The following DGKI variants were observed in gnomAD, a reference collection of about 807,000 sequenced individuals.
DGKI encodes the protein diacylglycerol kinase iota.
Under a neutral mutation model 147.5 loss-of-function variants are expected in DGKI, and 55 were observed. The ratio of observed to expected loss-of-function variants is 0.37; its 90% CI spans 0.30 to 0.47. The LOEUF (loss-of-function observed/expected upper bound fraction) is 0.47, where lower values mean the gene tolerates loss of function less well. DGKI is among the 20% of genes least tolerant of loss of function. DGKI has a pLI of 1.00. For missense variants in DGKI, 1,007 were observed against 1,323.8 expected (o/e 0.76, Z 3.71); for synonymous variants, 469 against 477.1 (o/e 0.98, Z 0.22).
At chr7:137,457,707 G>A (rs999429259) in intron 27 of DGKI, among the ~76,000 whole-genome samples, 1 of 152,044 alleles carries the variant, frequency 6.6e-6, no homozygotes, top group Non-Finnish European at 1.5e-5. Flanking sequence ...AGCACACATA[G>A]CATATGGAGA....
Position 137,383,781 on chromosome 7 carries a change from C to T in DGKI, c.*7439G>A, listed in dbSNP as rs1193591495. 1 of 151,972 alleles carries T rather than the reference C, an allele frequency of 6.6e-6. No individual in the cohort carries two copies. The highest frequency in any genetic ancestry group is 1.5e-5 in the Non-Finnish European group (1 of 67,918). The allele number at this position is 151,972 out of a possible 1,614,324, so 9.4% of individuals were successfully genotyped here. The stretch of plus-strand genomic sequence containing the variant: ...TATTTTATTCTACAAATCATCTTCC[C>T]TGCAGAATTTGAAACTAACAGTCCT... On this transcript the variant is annotated 3_prime_UTR_variant, in exon 33 of 33. Transcript: ENST00000614521.
intron 30 of DGKI, among the ~76,000 whole-genome samples, chr7:137,400,504 A>G (rs980796): frequency 0.68 from 103,646 of 152,070 alleles, 35,507 homozygotes; most frequent in African/African-American, 0.77. Flanking sequence ...CTTTTAATTG[A>G]GCTAGCACAG....
intron 30 of DGKI, among the ~76,000 whole-genome samples, chr7:137,400,164 C>A (rs117039580): frequency 6.6e-6 from 1 of 152,144 alleles, no homozygotes; most frequent in Non-Finnish European, 1.5e-5. Flanking sequence ...GAAACAAGCA[C>A]CTGAGGCCTA....
At chr7:137,593,140 G>A in intron 12 of DGKI, among the ~76,000 whole-genome samples, 1 of 152,176 alleles carries the variant, frequency 6.6e-6, no homozygotes, top group Non-Finnish European at 1.5e-5. Flanking sequence ...GATGGCTGGA[G>A]TCAATTTAAT....
At chr7:137,794,388 G>A (rs1273469736) in intron 1 of DGKI, among the ~76,000 whole-genome samples, 1 of 152,196 alleles carries the variant, frequency 6.6e-6, no homozygotes. Flanking sequence ...GACTTTAGGA[G>A]CAGATACTTC....
intron 12 of DGKI, among the ~76,000 whole-genome samples, chr7:137,587,825 A>G (rs891013743): frequency 1.4e-4 from 21 of 152,198 alleles, no homozygotes; most frequent in African/African-American, 5.1e-4. Flanking sequence ...AACATTATGA[A>G]AACATAATTA....
At chr7:137,429,244 C>T (rs1812958080) in intron 28 of DGKI, among the ~76,000 whole-genome samples, 1 of 151,024 alleles carries the variant, frequency 6.6e-6, no homozygotes, top group South Asian at 2.1e-4. Flanking sequence ...TCAGAAATAA[C>T]ACCACATATC....
In DGKI at chr7:137,493,151, C is replaced by T. The variant is rs536302153; in HGVS notation, c.2249-5462G>A. Among the ~76,000 whole-genome samples, 5 of 152,258 alleles carry T rather than the reference C, an allele frequency of 3.3e-5. No homozygotes were observed. In the East Asian group the frequency reaches 9.7e-4, roughly 29 times the overall value. The stretch of plus-strand genomic sequence containing the variant: ...CCTGCCCCCATCCACCCAGCTGTAC[C>T]ACCACTGTTAGCACCAGTACTCAAA... On this transcript the variant is annotated intron_variant, in intron 21 of 32. Transcript: ENST00000614521.
intron 15 of DGKI, among the ~76,000 whole-genome samples, chr7:137,581,102 C>G (rs1474031197): frequency 6.6e-6 from 1 of 152,056 alleles, no homozygotes; most frequent in Non-Finnish European, 1.5e-5. Context: ...AAACATAAGT[C>G]AAACCCATAA....
At chr7:137,833,098 C>T (rs1437253086) in intron 1 of DGKI, among the ~76,000 whole-genome samples, 1 of 152,216 alleles carries the variant, frequency 6.6e-6, no homozygotes, top group Non-Finnish European at 1.5e-5. Context: ...AACTTTCCCA[C>T]ATTTTCCTGT....
chr7:137,692,817 A>C (rs1040581553), intron 1 of DGKI, among the ~76,000 whole-genome samples: 1 of 152,186 alleles, frequency 6.6e-6, no homozygotes, highest in African/African-American at 2.4e-5. Flanking sequence ...TGTGGATACA[A>C]ATTTAAGGTT....
intron 8 of DGKI, 85 bp from the exon 9 acceptor site, chr7:137,609,694 A>G: frequency 1.1e-6 from 1 of 919,046 alleles, no homozygotes; most frequent in Middle Eastern, 2.8e-4. Context: ...AGATGACGGC[A>G]GCGCATGCTG....
intron 14 of DGKI, among the ~76,000 whole-genome samples, chr7:137,582,469 C>G (rs1819238065): frequency 6.6e-6 from 1 of 151,296 alleles, no homozygotes; most frequent in African/African-American, 2.4e-5. Context: ...CACACACAAT[C>G]TTTTTTACAA....
In DGKI at chr7:137,653,143, T is replaced by C. The variant is rs557662682; in HGVS notation, c.738+1589A>G. 1.4e-3 allele frequency among the ~76,000 whole-genome samples: 214 copies of C among 152,210 alleles called. 6 individuals carry two copies. The highest frequency in any genetic ancestry group is 7.5e-3 in the South Asian group (36 of 4,826). On this transcript the variant is annotated intron_variant, in intron 5 of 32. Coordinates refer to ENST00000614521, the MANE Select transcript of DGKI (RefSeq NM_001321708.2). ...GTATGTGTGTTTGTGTGTGTGTGTG[T>C]GCGCGCGCGTGCGCGCACTTAGCAG... is the stretch of plus-strand genomic sequence containing the variant.
intron 23 of DGKI, among the ~76,000 whole-genome samples, chr7:137,480,310 C>T (rs1815328554): frequency 6.6e-6 from 1 of 152,142 alleles, no homozygotes; most frequent in African/African-American, 2.4e-5. Context: ...CCCAGGAAGA[C>T]TCTCTAAACC....
intron 1 of DGKI, among the ~76,000 whole-genome samples, chr7:137,733,035 T>C (rs1292297356): frequency 6.6e-6 from 1 of 152,064 alleles, no homozygotes; most frequent in African/African-American, 2.4e-5. Context: ...TCAGTCCTTA[T>C]CTTAATTACT....
At chr7:137,499,484 A>G (rs1478219676) in intron 21 of DGKI, among the ~76,000 whole-genome samples, 1 of 152,136 alleles carries the variant, frequency 6.6e-6, no homozygotes, top group Non-Finnish European at 1.5e-5. Flanking sequence ...ACCCTTGTCA[A>G]TGTGGGCAAG....
At position 137,518,084 on chromosome 7, in the gene DGKI, T is replaced by G. The variant is rs1334561995; in HGVS notation, c.2248+3782A>C. On this transcript the variant is annotated intron_variant, in intron 21 of 32. Coordinates refer to ENST00000614521, the MANE Select transcript of DGKI (RefSeq NM_001321708.2). Reference sequence around the variant, plus strand: ...TCTATGACCTACTTTGAGTCTGGTTTTATGGACTTGAAGACTGATGAGCAG... The same window carrying G: ...TCTATGACCTACTTTGAGTCTGGTTGTATGGACTTGAAGACTGATGAGCAG... Among the ~76,000 whole-genome samples the G allele has an allele frequency of 4.6e-5, 7 of 152,002 alleles. No homozygotes were observed. The East Asian group carries it at 1.4e-3, about 29-fold the overall frequency.
chr7:137,574,584 A>C (rs893152139), intron 17 of DGKI, among the ~76,000 whole-genome samples: 1 of 152,214 alleles, frequency 6.6e-6, no homozygotes, highest in African/African-American at 2.4e-5. Context: ...AACTCATCAA[A>C]TCATACGAAA....
Sources: gnomAD v4.1 joint callset for allele counts (sites outside exome capture counted in the v4.1 genomes callset) on GRCh38, gnomAD v4.1.1 for gene constraint, MANE v1.5 for transcripts, NCBI Gene and HGNC (gene_info 2026-07-23, HGNC 2026-07-21) for gene names.